The following GSDMC variants were observed in gnomAD, a reference collection of about 807,000 sequenced individuals.
GSDMC encodes the protein gasdermin-C.
Under a neutral mutation model 58.0 loss-of-function variants are expected in GSDMC, and 59 were observed. The ratio of observed to expected loss-of-function variants is 1.02; its 90% CI spans 0.82 to 1.26. The LOEUF (loss-of-function observed/expected upper bound fraction) is 1.26. Among genes scored for constraint, GSDMC ranks in the 50% most tolerant of loss-of-function variants. GSDMC has a pLI of 0.00. For missense variants in GSDMC, 659 were observed against 598.5 expected, an observed-to-expected ratio of 1.10 and a Z score of -1.06; for synonymous variants, 241 against 220.2, an observed-to-expected ratio of 1.09 and a Z score of -0.83.
At chr8:129,731,614 C>A in the GSDMC span, among the ~76,000 whole-genome samples, 1 of 152,160 alleles carries the variant, frequency 6.6e-6, no homozygotes, top group African/African-American at 2.4e-5. Flanking sequence ...GGAGGATTCT[C>A]TTTTTCTTGG....
At chr8:129,733,444 C>T in the GSDMC span, among the ~76,000 whole-genome samples, 1 of 152,282 alleles carries the variant, frequency 6.6e-6, no homozygotes, top group Admixed American at 6.5e-5. Flanking sequence ...GGCGGATGCC[C>T]CTCTGGGATG....
the GSDMC span, among the ~76,000 whole-genome samples, chr8:129,735,375 A>G: frequency 2.6e-5 from 4 of 152,340 alleles, no homozygotes; most frequent in South Asian, 8.3e-4. Flanking sequence ...ACCACATCGC[A>G]CTTATTCCAA....
the GSDMC span, among the ~76,000 whole-genome samples, chr8:129,720,229 G>C: frequency 2.6e-5 from 4 of 152,248 alleles, no homozygotes; most frequent in East Asian, 7.7e-4. Context: ...ACAGTGTTTT[G>C]GTGAGAAGAA....
At chr8:129,782,334 A>G (rs1391103713) in intron 1 of GSDMC, among the ~76,000 whole-genome samples, 1 of 152,156 alleles carries the variant, frequency 6.6e-6, no homozygotes, top group African/African-American at 2.4e-5. Context: ...CCAAACCCAA[A>G]ATTAGTAGAA....
At chr8:129,711,761 C>T in the GSDMC span, among the ~76,000 whole-genome samples, 4 of 152,198 alleles carry the variant, frequency 2.6e-5, no homozygotes, top group Non-Finnish European at 4.4e-5. Context: ...ATGTTTTAAA[C>T]GCATCAACTG....
the GSDMC span, among the ~76,000 whole-genome samples, chr8:129,715,736 C>T: frequency 1.1e-4 from 17 of 152,040 alleles, no homozygotes; most frequent in African/African-American, 3.6e-4. Context: ...TGTGGATCTA[C>T]GCAGTTGAAA....
At chr8:129,777,738 C>T (rs1314147642) in intron 1 of GSDMC, 147 bp from the exon 2 acceptor site, 1 of 615,004 alleles carries the variant, frequency 1.6e-6, no homozygotes. Flanking sequence ...TTATAACTTT[C>T]TCAACTTTGA....
chr8:129,737,884 A>G, the GSDMC span, among the ~76,000 whole-genome samples: 2 of 152,238 alleles, frequency 1.3e-5, no homozygotes, highest in Non-Finnish European at 2.9e-5. Context: ...CAACCTACAG[A>G]ATGGGAGAAA....
intron 6 of GSDMC, among the ~76,000 whole-genome samples, chr8:129,757,595 A>G (rs1372115046): frequency 1.4e-5 from 2 of 146,734 alleles, no homozygotes; most frequent in Non-Finnish European, 3.0e-5. Flanking sequence ...AAGATACATC[A>G]AAAAAAAAGA....
chr8:129,728,439 G>A, the GSDMC span, among the ~76,000 whole-genome samples: 1 of 152,156 alleles, frequency 6.6e-6, no homozygotes, highest in African/African-American at 2.4e-5. Flanking sequence ...GGGGACTGAG[G>A]AAGTTTTCCA....
At chr8:129,771,954 A>G (rs534009089) in intron 3 of GSDMC, among the ~76,000 whole-genome samples, 3 of 152,228 alleles carry the variant, frequency 2.0e-5, no homozygotes, top group Non-Finnish European at 2.9e-5. Flanking sequence ...ACCTAACTTT[A>G]TACCTTAAAG....
the GSDMC span, among the ~76,000 whole-genome samples, chr8:129,741,850 T>A: frequency 6.6e-5 from 10 of 150,872 alleles, no homozygotes; most frequent in Non-Finnish European, 1.3e-4. Flanking sequence ...TTCATTGATG[T>A]ATTATTTACA....
chr8:129,757,588 A>T (rs2033491056), intron 6 of GSDMC, among the ~76,000 whole-genome samples: 1 of 151,972 alleles, frequency 6.6e-6, no homozygotes, highest in Non-Finnish European at 1.5e-5. Flanking sequence ...CTAAATTAAG[A>T]TACATCAAAA....
At chr8:129,744,831 T>G (rs1384457703), downstream of GSDMC, among the ~76,000 whole-genome samples, 1 of 152,208 alleles carries the variant, frequency 6.6e-6, no homozygotes, top group Non-Finnish European at 1.5e-5. Context: ...AACATACTAT[T>G]TCTTCTGAAT....
the GSDMC span, among the ~76,000 whole-genome samples, chr8:129,717,272 T>A: frequency 1.6e-5 from 2 of 123,820 alleles, no homozygotes; most frequent in African/African-American, 3.1e-5. Context: ...TTTTTTTTTT[T>A]ATTGGTAGGC....
rs1184102986 is a variant in GSDMC at position 129,765,677 on chromosome 8, C to G, written c.521G>C (p.Ser174Thr). ...LINNTVLYDSSSVNILGKIAL... is the reference protein window; with the variant it reads ...LINNTVLYDSTSVNILGKIAL... ...AATTTTCCCTAAAATATTCACACTA[C>G]TGCTATCGTACAGCACAGTATTGTT... The change falls in exon 4 of 14, where the codon AGT (serine) becomes ACT (threonine). Residue 174 changes from serine to threonine, a missense_variant. Ser to Thr is a moderately conservative substitution (Grantham distance 58). Coordinates refer to ENST00000276708, the MANE Select transcript of GSDMC (RefSeq NM_031415.3). 3 of 1,613,080 alleles carry G rather than the reference C, an allele frequency of 1.9e-6. No individual in the cohort carries two copies. Among genetic ancestry groups the G allele is most frequent in the Non-Finnish European group, 2.5e-6 (3 of 1,179,040 alleles).
chr8:129,776,738 C>CTTT (rs1050934923), intron 2 of GSDMC, among the ~76,000 whole-genome samples: 1 of 150,900 alleles, frequency 6.6e-6, no homozygotes, highest in Non-Finnish European at 1.5e-5. Flanking sequence ...TTGGTTTTTG[C>CTTT]TGTTGTTGTT....
chr8:129,725,716 A>T, the GSDMC span, among the ~76,000 whole-genome samples: 1 of 152,196 alleles, frequency 6.6e-6, no homozygotes, highest in Admixed American at 6.5e-5. Flanking sequence ...TGCTAGCACT[A>T]TACTAGGTTC....
the GSDMC span, among the ~76,000 whole-genome samples, chr8:129,723,488 G>A: frequency 1.1e-4 from 16 of 141,380 alleles, no homozygotes; most frequent in Non-Finnish European, 2.3e-4. Context: ...GATTGGTCTC[G>A]AACTCCTGAC....
Sources: gnomAD v4.1 joint callset for allele counts (sites outside exome capture counted in the v4.1 genomes callset) on GRCh38, gnomAD v4.1.1 for gene constraint, MANE v1.5 for transcripts, NCBI Gene and HGNC (gene_info 2026-07-23, HGNC 2026-07-21) for gene names.